TTC39B: variants seen among roughly 807,000 people sequenced by gnomAD.
TTC39B encodes the protein tetratricopeptide repeat domain 39B.
In TTC39B, 92 loss-of-function variants were observed where a neutral mutation model predicts 96.6. The ratio of observed to expected loss-of-function variants is 0.95; its 90% CI spans 0.80 to 1.13. The LOEUF (loss-of-function observed/expected upper bound fraction) is 1.13. Among genes scored for constraint, TTC39B ranks in the 50% most tolerant of loss-of-function variants. The pLI is 0.00. For missense variants in TTC39B, 955 were observed against 809.3 expected (o/e 1.18, Z -2.18); for synonymous variants, 367 against 299.4 (o/e 1.23, Z -2.33).
rs1823189442 is a variant in TTC39B at position 15,267,771 on chromosome 9, T to G, written c.275+143A>C. 4.7e-6 allele frequency: 3 copies of G among 640,286 alleles called. No homozygotes were observed. In the Admixed American group the frequency reaches 9.3e-5, roughly 20 times the overall value. The allele number at this position is 640,286 out of a possible 1,614,324, so 39.7% of individuals were successfully genotyped here. A position where few individuals can be genotyped will look rare whatever the true frequency, so the allele number is the denominator to read the frequency against. On this transcript the variant is annotated intron_variant, in intron 2 of 19. Transcript: ENST00000512701. ...CTTTCTTAAATATAATCACATCCTC[T>G]TTAATTATAGAAAAGTGACTTTTTT... is the stretch of plus-strand genomic sequence containing the variant.
chr9:15,207,330 C>A (rs1426131389), intron 6 of TTC39B, among the ~76,000 whole-genome samples: 2 of 152,194 alleles, frequency 1.3e-5, no homozygotes, highest in East Asian at 3.9e-4. Context: ...AAGTAATTTT[C>A]TACCTTATTC....
chr9:15,233,092 G>A (rs536873447), intron 2 of TTC39B, among the ~76,000 whole-genome samples: 1 of 152,300 alleles, frequency 6.6e-6, no homozygotes, highest in Admixed American at 6.5e-5. Context: ...CCGGGCAGTT[G>A]GAGGCGGGGT....
At chr9:15,287,963 A>T (rs1436982320) in intron 1 of TTC39B, among the ~76,000 whole-genome samples, 18 of 149,348 alleles carry the variant, frequency 1.2e-4, no homozygotes, top group African/African-American at 4.5e-4. Context: ...AAAAAAAAAA[A>T]AAAAAACATA....
At position 15,182,265 on chromosome 9, in the gene TTC39B, A is replaced by C. The variant is rs564497094; in HGVS notation, c.1723+42T>G. ...GGAAAAGACAGGAGAGCAGTCATGG[A>C]GCAGAGACAAAGGCTCCTCGGTGCT... On this transcript the variant is annotated intron_variant, in intron 17 of 19. Transcript: ENST00000512701. 127 of 1,282,520 alleles carry C rather than the reference A, an allele frequency of 9.9e-5. No individual in the cohort carries two copies. The South Asian group carries it at 1.6e-3, about 16-fold the overall frequency. 79.4% of individuals were successfully genotyped at this position (1,282,520 alleles called of 1,614,324 possible).
intron 6 of TTC39B, among the ~76,000 whole-genome samples, chr9:15,204,385 C>T (rs932484497): frequency 4.6e-5 from 7 of 151,854 alleles, no homozygotes; most frequent in Admixed American, 3.9e-4. Context: ...AAAAATTAGC[C>T]AGGCGTGGTG....
chr9:15,258,127 A>G (rs2131527083), intron 2 of TTC39B, among the ~76,000 whole-genome samples: 1 of 152,252 alleles, frequency 6.6e-6, no homozygotes, highest in South Asian at 2.1e-4. Context: ...TTGGAAAAGT[A>G]GAGGGAGAGA....
chr9:15,251,694 C>CATATAAATATATATATATATAT (rs59081141), intron 2 of TTC39B, among the ~76,000 whole-genome samples: 1 of 61,810 alleles, frequency 1.6e-5, no homozygotes, highest in Admixed American at 1.9e-4. Flanking sequence ...CACACACATA[C>CATATAAATATATATATATATAT]ATATACATAT....
At chr9:15,193,782 G>A (rs1019533190) in intron 8 of TTC39B, among the ~76,000 whole-genome samples, 1 of 152,174 alleles carries the variant, frequency 6.6e-6, no homozygotes, top group African/African-American at 2.4e-5. Context: ...TTTTGCCATA[G>A]AGTCATAATC....
intron 10 of TTC39B, among the ~76,000 whole-genome samples, 177 bp downstream of exon 10, chr9:15,191,013 A>G (rs1340873262): frequency 6.6e-6 from 1 of 152,240 alleles, no homozygotes. Flanking sequence ...CTTTCATCAG[A>G]AAAACTATGT....
chr9:15,293,779 A>T (rs1824275137), intron 1 of TTC39B, among the ~76,000 whole-genome samples: 1 of 152,224 alleles, frequency 6.6e-6, no homozygotes, highest in Non-Finnish European at 1.5e-5. Context: ...GTGAGCTACA[A>T]GTGGAGGTGT....
At chr9:15,272,543 T>A (rs181879235) in intron 1 of TTC39B, among the ~76,000 whole-genome samples, 1 of 152,186 alleles carries the variant, frequency 6.6e-6, no homozygotes, top group Non-Finnish European at 1.5e-5. Flanking sequence ...CCTACTCCCA[T>A]ACCAGGGCCA....
intron 1 of TTC39B, among the ~76,000 whole-genome samples, chr9:15,300,287 T>C (rs538643562): frequency 6.6e-6 from 1 of 152,252 alleles, no homozygotes; most frequent in African/African-American, 2.4e-5. Context: ...ACAGCACCCC[T>C]ACCCAGCCAC....
chr9:15,250,818 A>G (rs919098446), intron 2 of TTC39B, among the ~76,000 whole-genome samples: 8 of 152,218 alleles, frequency 5.3e-5, no homozygotes, highest in African/African-American at 1.7e-4. Context: ...TGACTTCACA[A>G]ATTTCTTATC....
At chr9:15,187,427 C>T (rs1294634103) in intron 14 of TTC39B, among the ~76,000 whole-genome samples, 1 of 152,170 alleles carries the variant, frequency 6.6e-6, no homozygotes, top group Non-Finnish European at 1.5e-5. Context: ...ATAAGTACAA[C>T]TCATTTTCAG....
chr9:15,266,549 T>C (rs1823137483), intron 2 of TTC39B, among the ~76,000 whole-genome samples: 2 of 152,302 alleles, frequency 1.3e-5, no homozygotes, highest in East Asian at 3.9e-4. Context: ...CCAGTGATGA[T>C]AATGTGACAG....
At chr9:15,259,758 G>C (rs1458629885) in intron 2 of TTC39B, among the ~76,000 whole-genome samples, 1 of 152,112 alleles carries the variant, frequency 6.6e-6, no homozygotes, top group Non-Finnish European at 1.5e-5. Flanking sequence ...AAGTTATCAG[G>C]AGGTAACCCC....
At chr9:15,300,779 G>A (rs563566655) in intron 1 of TTC39B, among the ~76,000 whole-genome samples, 5 of 151,134 alleles carry the variant, frequency 3.3e-5, no homozygotes, top group East Asian at 2.0e-4. Flanking sequence ...CCAGCTACTC[G>A]GAACGCTGAG....
At chr9:15,207,338 T>G (rs946354455) in intron 6 of TTC39B, among the ~76,000 whole-genome samples, 9 of 152,226 alleles carry the variant, frequency 5.9e-5, no homozygotes, top group African/African-American at 2.2e-4. Flanking sequence ...TTCTACCTTA[T>G]TCCAGATTTC....
chr9:15,275,410 T>C (rs373075452), intron 1 of TTC39B, among the ~76,000 whole-genome samples: 1 of 152,216 alleles, frequency 6.6e-6, no homozygotes, highest in East Asian at 1.9e-4. Flanking sequence ...TTCTATGTTT[T>C]TTAAAGCTTC....
Sources: gnomAD v4.1 joint callset for allele counts (sites outside exome capture counted in the v4.1 genomes callset) on GRCh38, gnomAD v4.1.1 for gene constraint, MANE v1.5 for transcripts, NCBI Gene and HGNC (gene_info 2026-07-23, HGNC 2026-07-21) for gene names.